Variants in APOBEC3G observed in about 807,000 individuals in gnomAD.
APOBEC3G encodes apolipoprotein B mRNA editing enzyme catalytic subunit 3G, also known as DNA dC->dU-editing enzyme APOBEC-3G.
In APOBEC3G, 44 loss-of-function variants were observed where a neutral mutation model predicts 50.0. That is an observed-to-expected ratio of 0.88 (90% CI 0.69 to 1.13). APOBEC3G has a LOEUF of 1.13. APOBEC3G is among the 50% of genes most tolerant of loss of function. The pLI is 0.00. For missense variants in APOBEC3G, 469 were observed against 492.0 expected (o/e 0.95, Z 0.44); for synonymous variants, 156 against 175.3 (o/e 0.89, Z 0.87).
At chr22:39,077,228 A>G, upstream of APOBEC3G, 2 of 1,485,078 alleles carry the variant, frequency 1.3e-6, no homozygotes, top group Non-Finnish European at 1.8e-6. Context: ...CTGAGCAGGA[A>G]GCGGGAGGGG....
chr22:39,079,238 G>C (rs1461690442), intron 2 of APOBEC3G, 153 bp downstream of exon 2: 11 of 1,100,574 alleles, frequency 1.0e-5, no homozygotes, highest in Non-Finnish European at 1.4e-5. Context: ...CTTCCTGCTG[G>C]ACCGTCCTGG....
rs1395871780 is a variant in APOBEC3G at position 39,081,231 on chromosome 22, A to C, written c.466+4A>C. On this transcript the variant is annotated splice_donor_region_variant and intron_variant, in intron 3 of 7. Coordinates refer to ENST00000407997, the MANE Select transcript of APOBEC3G (RefSeq NM_021822.4). ...ATGAAGATCATGAATTATGACGGTG[A>C]GAAGTGGGAGGTTCAGGGGTGTGGG... 4.3e-6 allele frequency: 7 copies of C among 1,613,386 alleles called. No homozygotes were observed. The East Asian group carries it at 1.6e-4, about 36-fold the overall frequency.
At position 39,077,396 on chromosome 22, in the gene APOBEC3G, A is replaced by T. The variant is rs1569081405; in HGVS notation, c.17+18A>T. On this transcript the variant is annotated intron_variant, in intron 1 of 7. Coordinates refer to ENST00000407997, the MANE Select transcript of APOBEC3G (RefSeq NM_021822.4). ...CACTTCAGGTACCGCTGCCCGCTCT[A>T]CCCACTGGGCCCCTCTGCTGCCCCT... 1.3e-6 allele frequency: 2 copies of T among 1,579,710 alleles called. No homozygotes were observed. Among genetic ancestry groups the T allele is most frequent in the Non-Finnish European group, 1.7e-6 (2 of 1,162,456 alleles).
intron 6 of APOBEC3G, 70 bp from the exon 7 acceptor site, chr22:39,086,941 A>G: frequency 6.6e-7 from 1 of 1,524,776 alleles, no homozygotes; most frequent in Non-Finnish European, 8.9e-7. Context: ...CTGTCTTGAG[A>G]GTCATGGGCC....
chr22:39,081,416 G>T (rs1928447946), intron 3 of APOBEC3G, 55 bp from the exon 4 acceptor site: 1 of 1,576,984 alleles, frequency 6.3e-7, no homozygotes, highest in African/African-American at 1.3e-5. Context: ...AGGGTCCCGA[G>T]GTCACAGAAG....
At chr22:39,079,322 CTTTT>C in intron 2 of APOBEC3G, 3 of 427,366 alleles carry the variant, frequency 7.0e-6, no homozygotes, top group Non-Finnish European at 1.2e-5. Flanking sequence ...TTTCTTTTTT[CTTTT>C]TTTTTTTTGA....
intron 5 of APOBEC3G, 57 bp from the exon 6 acceptor site, chr22:39,086,222 G>A: frequency 6.6e-7 from 1 of 1,516,870 alleles, no homozygotes; most frequent in East Asian, 2.3e-5. Flanking sequence ...GGCAACAAGA[G>A]TGAAACTCTG....
chr22:39,081,420 A>G, intron 3 of APOBEC3G, 51 bp from the exon 4 acceptor site: 1 of 1,589,638 alleles, frequency 6.3e-7, no homozygotes, highest in Non-Finnish European at 8.6e-7. Flanking sequence ...TCCCGAGGTC[A>G]CAGAAGAGAG....
At chr22:39,081,777 C>T in intron 4 of APOBEC3G, 192 bp downstream of exon 4, 1 of 550,034 alleles carries the variant, frequency 1.8e-6, no homozygotes, top group East Asian at 3.1e-5. Context: ...CCCTGCCTCC[C>T]ACCTGCTTTC....
Position 39,078,721 on chromosome 22 carries a change from T to A in APOBEC3G, c.18-211T>A, listed in dbSNP as rs1358536582. 3 of 536,338 alleles carry A rather than the reference T, an allele frequency of 5.6e-6. No homozygotes were observed. In the African/African-American group the frequency reaches 5.8e-5, roughly 10 times the overall value. 33.2% of individuals were successfully genotyped at this position (536,338 alleles called of 1,614,324 possible). On this transcript the variant is annotated intron_variant, in intron 1 of 7. Coordinates refer to ENST00000407997, the MANE Select transcript of APOBEC3G (RefSeq NM_021822.4). ...GAGTTTTATTCTGTCTCTCTCTCTCTTTTTTTTTGAGACGGAATTTCGCTC... is the reference window on the plus strand; with the variant it reads ...GAGTTTTATTCTGTCTCTCTCTCTCATTTTTTTTGAGACGGAATTTCGCTC...
In APOBEC3G at chr22:39,079,367, G is replaced by T. The variant is rs1601518661; in HGVS notation, c.171+282G>T. The T allele has an allele frequency of 1.7e-5, 6 of 352,568 alleles. No individual in the cohort carries two copies. In the East Asian group the frequency reaches 3.4e-4, roughly 20 times the overall value. The allele number at this position is 352,568 out of a possible 1,614,324, so 21.8% of individuals were successfully genotyped here. A position where few individuals can be genotyped will look rare whatever the true frequency, so the allele number is the denominator to read the frequency against. ...AGTTTCACTCTTGTTGCTCAGGCTG[G>T]AGTGCAATGACGCGATCTCGGCTCA... On this transcript the variant is annotated intron_variant, in intron 2 of 7. Transcript: ENST00000407997.
rs761742463 is a variant in APOBEC3G, at chr22:39,086,365, C to T, written c.822C>T (p.Asp274=). 6.2e-7 allele frequency: 1 copy of T among 1,614,084 alleles called. No homozygotes were observed. The highest frequency in any genetic ancestry group is 1.1e-5 in the South Asian group (1 of 91,088). Residue 274 remains aspartate (D), a synonymous_variant, in exon 6 of 8, where the codon GAC becomes GAT. Coordinates refer to ENST00000407997, the MANE Select transcript of APOBEC3G (RefSeq NM_021822.4). ...DVIPFWKLDL[D]QDYRVTCFTS... is the part of the protein sequence containing the mutation. ...TTCCCTTTTGGAAGCTGGACCTGGACCAGGACTACAGGGTTACCTGCTTCA... is the reference window on the plus strand; with the variant it reads ...TTCCCTTTTGGAAGCTGGACCTGGATCAGGACTACAGGGTTACCTGCTTCA...
chr22:39,086,257 C>T, intron 5 of APOBEC3G, 22 bp from the exon 6 acceptor site: 2 of 1,546,482 alleles, frequency 1.3e-6, no homozygotes, highest in South Asian at 1.2e-5. Context: ...AAGATTACCT[C>T]ATGGCTTGCT....
At chr22:39,086,898 G>A (rs1928719517) in intron 6 of APOBEC3G, 113 bp from the exon 7 acceptor site, 1 of 1,313,310 alleles carries the variant, frequency 7.6e-7, no homozygotes, top group Non-Finnish European at 1.0e-6. Context: ...GAGGGAGAGG[G>A]AAAGGAGGGA....
chr22:39,086,145 A>G, intron 5 of APOBEC3G, 134 bp from the exon 6 acceptor site: 1 of 1,037,832 alleles, frequency 9.6e-7, no homozygotes. Context: ...TTTCTACTAG[A>G]AATACAAAAT....
Position 39,086,992 on chromosome 22 carries a change from C to T in APOBEC3G, c.1025-19C>T. On this transcript the variant is annotated intron_variant, in intron 6 of 7. Transcript: ENST00000407997. ...ATCCCACAGCGGGAGTGTGACTTAT[C>T]TCCCCTGTCCCTTTTCAGAATTTAA... The T allele has an allele frequency of 6.3e-7, 1 of 1,583,166 alleles. No homozygotes were observed. The highest frequency in any genetic ancestry group is 8.6e-7 in the Non-Finnish European group (1 of 1,160,446).
intron 3 of APOBEC3G, 27 bp from the exon 4 acceptor site, chr22:39,081,444 G>T (rs1013154429): frequency 6.2e-7 from 1 of 1,606,832 alleles, no homozygotes; most frequent in Non-Finnish European, 8.5e-7. Flanking sequence ...AGCTGGGCTT[G>T]ACTGCGTTCT....
chr22:39,083,264 G>T lies in APOBEC3G; in HGVS notation c.582-467G>T, dbSNP rs184057400. 769 of 153,696 alleles carry T rather than the reference G, an allele frequency of 5.0e-3. 10 individuals carry two copies. Among genetic ancestry groups the T allele is most frequent in the African/African-American group, 0.018 (737 of 41,608 alleles). 9.5% of individuals were successfully genotyped at this position (153,696 alleles called of 1,614,324 possible). On this transcript the variant is annotated intron_variant, in intron 4 of 7. Transcript: ENST00000407997. ...AAAAAACAAAAAAACTCCCTGGCAG[G>T]CTCTTCTCCCCGCTGGTCCCGCTCA... is the stretch of plus-strand genomic sequence containing the variant.
intron 5 of APOBEC3G, among the ~76,000 whole-genome samples, chr22:39,084,761 G>C (rs1263462055): frequency 2.6e-5 from 4 of 152,214 alleles, no homozygotes; most frequent in Admixed American, 1.3e-4. Flanking sequence ...AGCAAGGCCA[G>C]AACAGGCCCC....
Sources: gnomAD v4.1 joint callset for allele counts (sites outside exome capture counted in the v4.1 genomes callset) on GRCh38, gnomAD v4.1.1 for gene constraint, MANE v1.5 for transcripts, NCBI Gene and HGNC (gene_info 2026-07-23, HGNC 2026-07-21) for gene names.